The following CCDC178 variants were observed in gnomAD, a reference collection of about 807,000 sequenced individuals.
The protein encoded by CCDC178 is coiled-coil domain-containing protein 178.
Under a neutral mutation model 117.4 loss-of-function variants are expected in CCDC178, and 126 were observed. That is an observed-to-expected ratio of 1.07 (90% CI 0.93 to 1.24). The LOEUF (loss-of-function observed/expected upper bound fraction) is 1.24, where lower values mean the gene tolerates loss of function less well. Among genes scored for constraint, CCDC178 ranks in the 50% most tolerant of loss-of-function variants. The pLI, the probability that CCDC178 is intolerant of heterozygous loss-of-function variation, is 0.00. For missense variants in CCDC178, 1,030 were observed against 986.9 expected, an observed-to-expected ratio of 1.04 and a Z score of -0.59; for synonymous variants, 283 against 313.4, an observed-to-expected ratio of 0.90 and a Z score of 1.02.
At chr18:33,279,957 C>T (rs201793960) in intron 12 of CCDC178, among the ~76,000 whole-genome samples, 10,218 of 151,582 alleles carry the variant, frequency 0.067, 539 homozygotes, top group African/African-American at 0.14. Flanking sequence ...TAATTAAAGA[C>T]GGATTAAAGA....
intron 21 of CCDC178, among the ~76,000 whole-genome samples, chr18:32,988,841 G>A (rs1273899478): frequency 6.6e-6 from 1 of 152,010 alleles, no homozygotes; most frequent in African/African-American, 2.4e-5. Flanking sequence ...ATAATACTAT[G>A]AGTAATTTTA....
chr18:33,299,052 CT>C (rs2062142709), intron 11 of CCDC178, among the ~76,000 whole-genome samples: 2 of 152,034 alleles, frequency 1.3e-5, no homozygotes, highest in Admixed American at 1.3e-4. Flanking sequence ...CCAAAGCAAC[CT>C]ACAATTTAAA....
At chr18:33,079,259 CA>C (rs1161053174) in intron 21 of CCDC178, among the ~76,000 whole-genome samples, 2 of 152,128 alleles carry the variant, frequency 1.3e-5, no homozygotes. Flanking sequence ...TTCCTTACAC[CA>C]TATACAAAAA....
At chr18:33,420,353 CATTATT>C (rs960677821) in intron 2 of CCDC178, among the ~76,000 whole-genome samples, 11 of 151,870 alleles carry the variant, frequency 7.2e-5, no homozygotes, top group Non-Finnish European at 8.8e-5. Context: ...GTGGATTTGC[CATTATT>C]ATTATTATTT....
chr18:33,253,865 A>T (rs1212078528), intron 14 of CCDC178, among the ~76,000 whole-genome samples: 2 of 151,902 alleles, frequency 1.3e-5, no homozygotes, highest in East Asian at 3.9e-4. Flanking sequence ...CCTTATCTGT[A>T]AGATTAATTT....
chr18:33,184,124 AT>A (rs1159654785), intron 20 of CCDC178, among the ~76,000 whole-genome samples: 2 of 152,080 alleles, frequency 1.3e-5, no homozygotes, highest in Non-Finnish European at 2.9e-5. Context: ...GGATGTTTAG[AT>A]TTGTTTTTTA....
chr18:33,260,147 T>C (rs2059725444), intron 14 of CCDC178, among the ~76,000 whole-genome samples: 1 of 152,106 alleles, frequency 6.6e-6, no homozygotes, highest in South Asian at 2.1e-4. Flanking sequence ...CTGACTCCTA[T>C]GACCATTTTG....
At chr18:33,308,718 C>T (rs912237701) in intron 11 of CCDC178, among the ~76,000 whole-genome samples, 2 of 152,140 alleles carry the variant, frequency 1.3e-5, no homozygotes, top group African/African-American at 4.8e-5. Flanking sequence ...AATGATGGGG[C>T]AGTTCCCCCA....
chr18:33,078,115 C>T (rs1018337514), intron 21 of CCDC178, among the ~76,000 whole-genome samples: 3 of 152,188 alleles, frequency 2.0e-5, no homozygotes, highest in Non-Finnish European at 4.4e-5. Context: ...CCTCGGGATG[C>T]AAGGTTGGTT....
intron 18 of CCDC178, among the ~76,000 whole-genome samples, chr18:33,222,313 CT>C (rs2059246554): frequency 6.7e-6 from 1 of 149,308 alleles, no homozygotes; most frequent in South Asian, 2.1e-4. Context: ...TCCTTCCTCC[CT>C]TCTTCCCTCC....
intron 5 of CCDC178, among the ~76,000 whole-genome samples, chr18:33,386,341 C>G (rs1599254269): frequency 6.6e-6 from 1 of 152,166 alleles, no homozygotes; most frequent in East Asian, 1.9e-4. Flanking sequence ...AGGGACTCCT[C>G]CCTAACTCAT....
chr18:33,082,396 C>A (rs973653839), intron 21 of CCDC178, among the ~76,000 whole-genome samples: 3 of 152,104 alleles, frequency 2.0e-5, no homozygotes, highest in African/African-American at 7.2e-5. Context: ...CACCTGAGCC[C>A]AGGAGGCAGA....
chr18:33,413,307 C>G (rs935217425), intron 2 of CCDC178, among the ~76,000 whole-genome samples: 13 of 152,026 alleles, frequency 8.6e-5, no homozygotes, highest in African/African-American at 3.1e-4. Context: ...ACCACTCTAC[C>G]TCATAAAGAC....
intron 21 of CCDC178, among the ~76,000 whole-genome samples, chr18:33,048,227 T>C (rs184037379): frequency 6.6e-6 from 1 of 152,306 alleles, no homozygotes; most frequent in East Asian, 1.9e-4. Context: ...TTTGGACTTT[T>C]AGTCTACAGA....
At chr18:33,404,294 G>C (rs933512640) in intron 3 of CCDC178, among the ~76,000 whole-genome samples, 7 of 152,010 alleles carry the variant, frequency 4.6e-5, no homozygotes, top group African/African-American at 1.7e-4. Context: ...ATGTGGGTTA[G>C]GAGATAGTGA....
At chr18:33,056,923 G>T (rs2056840082) in intron 21 of CCDC178, among the ~76,000 whole-genome samples, 1 of 149,068 alleles carries the variant, frequency 6.7e-6, no homozygotes, top group South Asian at 2.1e-4. Context: ...CTTTGATGTT[G>T]GAATTGCTGG....
intron 21 of CCDC178, among the ~76,000 whole-genome samples, chr18:33,066,089 C>T (rs1463455474): frequency 6.6e-6 from 1 of 151,964 alleles, no homozygotes; most frequent in Non-Finnish European, 1.5e-5. Context: ...TCTCGATCTC[C>T]TGACCTCGTG....
At chr18:33,366,203 G>T (rs947742713) in intron 6 of CCDC178, among the ~76,000 whole-genome samples, 1 of 152,054 alleles carries the variant, frequency 6.6e-6, no homozygotes, top group Non-Finnish European at 1.5e-5. Flanking sequence ...GGTAGCTCAT[G>T]CCTGTAATCC....
At chr18:33,065,482 A>T (rs777061240) in intron 21 of CCDC178, among the ~76,000 whole-genome samples, 49 of 152,172 alleles carry the variant, frequency 3.2e-4, no homozygotes, top group Non-Finnish European at 5.7e-4. Context: ...CCAGAAGGAG[A>T]CGAGATGGAT....
Sources: allele counts gnomAD v4.1 joint callset (sites outside exome capture counted in the v4.1 genomes callset), GRCh38; gene constraint gnomAD v4.1.1; transcripts MANE v1.5; gene names NCBI Gene and HGNC (gene_info 2026-07-23, HGNC 2026-07-21).